Variants in OSBPL1A observed in about 807,000 individuals in gnomAD.
OSBPL1A encodes oxysterol-binding protein-related protein 1.
Under a neutral mutation model 137.1 loss-of-function variants are expected in OSBPL1A, and 80 were observed. The ratio of observed to expected loss-of-function variants is 0.58; its 90% confidence interval spans 0.49 to 0.70. The LOEUF (loss-of-function observed/expected upper bound fraction) is 0.70, where lower values mean the gene tolerates loss of function less well. OSBPL1A is among the 30% of genes least tolerant of loss of function. The pLI is 0.00. For missense variants in OSBPL1A, 970 were observed against 1,129.4 expected (o/e 0.86, Z 2.02); for synonymous variants, 365 against 389.7 (o/e 0.94, Z 0.75).
intron 20 of OSBPL1A, chr18:24,179,311 G>T (rs2086532981): frequency 1.2e-5 from 2 of 163,940 alleles, no homozygotes; most frequent in Admixed American, 6.0e-5. Context: ...AACTTTAAAT[G>T]ATTATTTTTA....
intron 7 of OSBPL1A, among the ~76,000 whole-genome samples, chr18:24,326,675 C>A (rs1248984383): frequency 6.6e-6 from 1 of 152,238 alleles, no homozygotes; most frequent in Non-Finnish European, 1.5e-5. Flanking sequence ...AGTTCCATCC[C>A]ATCTGATGCC....
intron 13 of OSBPL1A, among the ~76,000 whole-genome samples, chr18:24,310,580 C>T (rs1377758292): frequency 2.4e-5 from 3 of 123,764 alleles, no homozygotes; most frequent in African/African-American, 6.4e-5. Context: ...CCAGCCTGGG[C>T]GACAGAGCAA....
intron 1 of OSBPL1A, among the ~76,000 whole-genome samples, chr18:24,378,130 C>CA (rs1906331426): frequency 6.6e-6 from 1 of 152,086 alleles, no homozygotes; most frequent in South Asian, 2.1e-4. Context: ...TAGAAAATTA[C>CA]AACCAAATTT....
intron 4 of OSBPL1A, among the ~76,000 whole-genome samples, chr18:24,363,451 T>A (rs1172135987): frequency 6.7e-6 from 1 of 148,904 alleles, no homozygotes; most frequent in East Asian, 1.9e-4. Flanking sequence ...TTTTTCCTTT[T>A]TTTTTTTTTT....
rs117792006 is a variant in OSBPL1A at position 24,173,084 on chromosome 18, T to G, written c.2094-601A>C. Among the ~76,000 whole-genome samples, 558 of 152,252 alleles carry G rather than the reference T, an allele frequency of 3.7e-3. 7 individuals are homozygous for G. The highest frequency in any genetic ancestry group is 3.1e-3 in the Non-Finnish European group (214 of 68,012). On this transcript the variant is annotated intron_variant, in intron 21 of 27. Coordinates refer to ENST00000319481, the MANE Select transcript of OSBPL1A (RefSeq NM_080597.4). ...TATGAAGCCATAAAAAAGAACAAGA[T>G]CATGTCTTTTCTGGGAATATGGAGG...
At chr18:24,282,700 T>C (rs1306857142) in intron 14 of OSBPL1A, among the ~76,000 whole-genome samples, 3 of 152,226 alleles carry the variant, frequency 2.0e-5, no homozygotes, top group African/African-American at 7.2e-5. Context: ...AATTAGACGT[T>C]AAGATCCTTT....
chr18:24,338,516 G>A (rs1482069418), intron 5 of OSBPL1A, among the ~76,000 whole-genome samples: 2 of 151,756 alleles, frequency 1.3e-5, no homozygotes, highest in Non-Finnish European at 1.5e-5. Context: ...TCTATATATC[G>A]GACCCAAAGA....
Position 24,196,127 on chromosome 18 carries a change from T to C in OSBPL1A, c.1675A>G (p.Met559Val), listed in dbSNP as rs1388773637. The C allele has an allele frequency of 1.2e-6, 2 of 1,606,402 alleles. No individual in the cohort carries two copies. Among genetic ancestry groups the C allele is most frequent in the Non-Finnish European group, 1.7e-6 (2 of 1,174,680 alleles). Residue 559 changes from methionine to valine, a missense_variant and splice_region_variant, in exon 18 of 28, where the codon ATG becomes GTG. Physicochemically the swap from Met to Val is conservative, Grantham distance 21 (BLOSUM62 1). Transcript: ENST00000319481. ...ATATGACAAAACCATTAATTTACCA[T>C]TCCAATACATTTTCTGAGGATGCTC... Reference protein sequence around the residue: ...IWSILRKCIGMELSKITMPVI... With the variant: ...IWSILRKCIGVELSKITMPVI...
chr18:24,312,174 G>T (rs2090631282), intron 12 of OSBPL1A, 68 bp from the exon 13 acceptor site: 2 of 1,564,632 alleles, frequency 1.3e-6, no homozygotes, highest in Non-Finnish European at 8.7e-7. Context: ...ATATTACAAT[G>T]ATCTGATAAG....
intron 15 of OSBPL1A, among the ~76,000 whole-genome samples, chr18:24,243,576 T>C (rs2088783877): frequency 6.6e-6 from 1 of 152,184 alleles, no homozygotes; most frequent in South Asian, 2.1e-4. Context: ...CAAAAAAATC[T>C]TATTCAAAAT....
intron 16 of OSBPL1A, among the ~76,000 whole-genome samples, chr18:24,229,264 G>A (rs891376000): frequency 6.6e-6 from 1 of 152,118 alleles, no homozygotes; most frequent in African/African-American, 2.4e-5. Context: ...GTAGTCTCCC[G>A]ATACATGTCA....
At chr18:24,167,283 T>G in intron 25 of OSBPL1A, 46 bp downstream of exon 25, 1 of 1,547,382 alleles carries the variant, frequency 6.5e-7, no homozygotes, top group Non-Finnish European at 8.9e-7. Flanking sequence ...AGCGCCACAA[T>G]GCTAAACACA....
At chr18:24,231,296 T>C (rs1216304633) in intron 16 of OSBPL1A, among the ~76,000 whole-genome samples, 1 of 152,108 alleles carries the variant, frequency 6.6e-6, no homozygotes, top group Non-Finnish European at 1.5e-5. Flanking sequence ...AAAGTTCTTT[T>C]TGTTTGTTTG....
chr18:24,372,100 C>T (rs1265559835), intron 2 of OSBPL1A, among the ~76,000 whole-genome samples: 1 of 151,730 alleles, frequency 6.6e-6, no homozygotes, highest in Non-Finnish European at 1.5e-5. Flanking sequence ...AGTAGTGAAA[C>T]CCTATTTCTA....
intron 18 of OSBPL1A, among the ~76,000 whole-genome samples, chr18:24,192,583 T>C (rs993847846): frequency 1.3e-5 from 2 of 152,148 alleles, no homozygotes; most frequent in Admixed American, 1.3e-4. Flanking sequence ...GTCATCAGTA[T>C]TGGAAATCAA....
chr18:24,349,643 G>C (rs1450859028), intron 4 of OSBPL1A, among the ~76,000 whole-genome samples: 1 of 151,496 alleles, frequency 6.6e-6, no homozygotes, highest in Non-Finnish European at 1.5e-5. Flanking sequence ...AAGATGAGAA[G>C]TGTGAGTAAG....
chr18:24,330,987 G>A (rs1313094170), intron 7 of OSBPL1A, among the ~76,000 whole-genome samples: 1 of 151,772 alleles, frequency 6.6e-6, no homozygotes, highest in African/African-American at 2.4e-5. Context: ...TAGAGATGGG[G>A]TTTCACCATG....
chr18:24,345,685 CA>C (rs553024210), intron 4 of OSBPL1A, among the ~76,000 whole-genome samples: 86 of 142,454 alleles, frequency 6.0e-4, no homozygotes, highest in Non-Finnish European at 9.6e-4. Context: ...GACTCCATCT[CA>C]AAAAAAAAAA....
chr18:24,239,007 CTG>C (rs1472111594), intron 16 of OSBPL1A, among the ~76,000 whole-genome samples: 3 of 152,226 alleles, frequency 2.0e-5, no homozygotes, highest in Admixed American at 6.5e-5. Context: ...TAGGCAGAGA[CTG>C]TGATGAATTT....
Sources: allele counts gnomAD v4.1 joint callset (sites outside exome capture counted in the v4.1 genomes callset), GRCh38; gene constraint gnomAD v4.1.1; transcripts MANE v1.5; gene names NCBI Gene and HGNC (gene_info 2026-07-23, HGNC 2026-07-21).